Variants in FGF12 observed in about 807,000 individuals in gnomAD.
FGF12 encodes fibroblast growth factor 12, also known as fibroblast growth factor 12B.
A neutral mutation model predicts 23.6 loss-of-function variants in FGF12; 14 were observed. The observed-to-expected ratio is 0.59, with a 90% confidence interval of 0.39 to 0.93. The LOEUF (loss-of-function observed/expected upper bound fraction) is 0.93, where lower values mean the gene tolerates loss of function less well. FGF12 is among the 40% of genes least tolerant of loss of function. The pLI is 0.00. For synonymous variants in FGF12, 62 were observed against 77.3 expected (o/e 0.80, Z 1.04); for missense variants, 175 against 217.8 (o/e 0.80, Z 1.24).
In FGF12 at chr3:192,353,024, C is replaced by T. The variant is rs60966682; in HGVS notation, c.124+7404G>A. On this transcript the variant is annotated intron_variant, in intron 3 of 5. Coordinates refer to ENST00000445105, the MANE Select transcript of FGF12 (RefSeq NM_004113.6). Reference sequence around the variant, plus strand: ...ATCAGTTTTTCTGAGCATACCTTTACTTCTATATCAGAAGTAAATAAAAGA... The same window carrying T: ...ATCAGTTTTTCTGAGCATACCTTTATTTCTATATCAGAAGTAAATAAAAGA... Among the ~76,000 whole-genome samples, 974 of 152,308 alleles carry T rather than the reference C, an allele frequency of 6.4e-3. 8 individuals carry two copies. The highest frequency in any genetic ancestry group is 0.022 in the African/African-American group (930 of 41,578).
intron 4 of FGF12, among the ~76,000 whole-genome samples, chr3:192,273,696 G>A (rs540789580): frequency 1.1e-4 from 17 of 152,274 alleles, no homozygotes; most frequent in African/African-American, 2.4e-4. Context: ...GACACTGGGC[G>A]TGTCAAGGCT....
At chr3:192,570,766 T>A (rs190256022) in intron 2 of FGF12, among the ~76,000 whole-genome samples, 67 of 152,346 alleles carry the variant, frequency 4.4e-4, no homozygotes, top group Admixed American at 9.8e-4. Context: ...ATATTTTTAT[T>A]GATTTTGGCT....
chr3:192,224,024 T>C (rs1371052626), intron 4 of FGF12, among the ~76,000 whole-genome samples: 2 of 152,138 alleles, frequency 1.3e-5, no homozygotes, highest in East Asian at 3.9e-4. Context: ...CAAGGTCACC[T>C]TGGCTACTGC....
intron 2 of FGF12, among the ~76,000 whole-genome samples, chr3:192,498,737 T>C (rs1233445228): frequency 6.6e-6 from 1 of 152,246 alleles, no homozygotes; most frequent in South Asian, 2.1e-4. Context: ...AGTCTGGATG[T>C]TGGAGTCCAT....
chr3:192,576,819 G>A (rs919640660), intron 2 of FGF12, among the ~76,000 whole-genome samples: 20 of 152,138 alleles, frequency 1.3e-4, no homozygotes, highest in Non-Finnish European at 2.4e-4. Context: ...ATGCCCATCA[G>A]TGATAGACTG....
chr3:192,382,960 C>A (rs948699272), intron 2 of FGF12, among the ~76,000 whole-genome samples: 1 of 152,124 alleles, frequency 6.6e-6, no homozygotes, highest in Non-Finnish European at 1.5e-5. Context: ...GAGAAAGTAA[C>A]AACACGGCCA....
At chr3:192,347,133 C>T (rs1718002650) in intron 3 of FGF12, among the ~76,000 whole-genome samples, 1 of 152,110 alleles carries the variant, frequency 6.6e-6, no homozygotes, top group Admixed American at 6.6e-5. Flanking sequence ...AAGACAAGTA[C>T]TTTTTAACTC....
intron 4 of FGF12, among the ~76,000 whole-genome samples, chr3:192,284,881 T>C (rs1467377718): frequency 6.6e-6 from 1 of 152,000 alleles, no homozygotes; most frequent in African/African-American, 2.4e-5. Flanking sequence ...CCTGGTGTTA[T>C]GCAGCAAGCA....
intron 2 of FGF12, among the ~76,000 whole-genome samples, chr3:192,674,500 G>A (rs746961997): frequency 5.3e-5 from 8 of 152,126 alleles, no homozygotes; most frequent in Non-Finnish European, 1.2e-4. Context: ...ATTAAAGGAC[G>A]GTTTCGAACT....
At chr3:192,227,876 A>C (rs1378763145) in intron 4 of FGF12, among the ~76,000 whole-genome samples, 1 of 152,178 alleles carries the variant, frequency 6.6e-6, no homozygotes, top group Non-Finnish European at 1.5e-5. Context: ...AGTTGAAGCA[A>C]GGGGAATGTT....
chr3:192,516,184 AATT>A (rs761651062), intron 2 of FGF12, among the ~76,000 whole-genome samples: 9 of 152,196 alleles, frequency 5.9e-5, no homozygotes, highest in Non-Finnish European at 1.2e-4. Flanking sequence ...TAGTGTTTGC[AATT>A]ATTATTATTT....
intron 2 of FGF12, among the ~76,000 whole-genome samples, chr3:192,444,238 G>A (rs1722285644): frequency 6.6e-6 from 1 of 152,044 alleles, no homozygotes; most frequent in South Asian, 2.1e-4. Flanking sequence ...GTCTGACCTT[G>A]ACAGCTGACC....
Position 192,543,142 on chromosome 3 carries a change from C to A in FGF12, c.14-182604G>T, listed in dbSNP as rs542842116. On this transcript the variant is annotated intron_variant, in intron 2 of 5. Coordinates refer to ENST00000445105, the MANE Select transcript of FGF12 (RefSeq NM_004113.6). ...CACGTCTAGCGATGTTTTTCAGAAG[C>A]CAGTCCCTTAAGTCAGAAACCTTAG... Among the ~76,000 whole-genome samples the A allele has an allele frequency of 6.2e-3, 346 of 55,406 alleles. 1 individual carries two copies. The highest frequency in any genetic ancestry group is 0.025 in the African/African-American group (331 of 13,008). The allele number at this position is 55,406 out of a possible 152,430, so 36.3% of individuals were successfully genotyped here.
At chr3:192,160,505 G>A (rs1038305072) in intron 5 of FGF12, among the ~76,000 whole-genome samples, 6 of 152,030 alleles carry the variant, frequency 3.9e-5, no homozygotes, top group Admixed American at 1.3e-4. Context: ...CATCATTTAC[G>A]TCATCTTCTC....
intron 2 of FGF12, among the ~76,000 whole-genome samples, chr3:192,641,037 C>T (rs1029513125): frequency 4.6e-5 from 7 of 151,844 alleles, no homozygotes; most frequent in African/African-American, 1.7e-4. Flanking sequence ...TCTCAATGAT[C>T]CACCTGCCTC....
At chr3:192,265,040 C>T (rs6795808) in intron 4 of FGF12, among the ~76,000 whole-genome samples, 4,141 of 152,134 alleles carry the variant, frequency 0.027, 140 homozygotes, top group African/African-American at 0.083. Context: ...ACTTCAGGGA[C>T]TTTTTCATAT....
chr3:192,628,708 T>C (rs990667889), intron 2 of FGF12, among the ~76,000 whole-genome samples: 15 of 149,716 alleles, frequency 1.0e-4, no homozygotes, highest in Non-Finnish European at 1.8e-4. Flanking sequence ...TATATACACA[T>C]AAATATATAC....
chr3:192,196,027 C>G (rs1577224846), intron 4 of FGF12, among the ~76,000 whole-genome samples: 1 of 152,188 alleles, frequency 6.6e-6, no homozygotes, highest in African/African-American at 2.4e-5. Flanking sequence ...CCCCCAACCA[C>G]CCCAGCCTTT....
At chr3:192,311,741 T>C (rs1411526406) in intron 4 of FGF12, among the ~76,000 whole-genome samples, 1 of 152,222 alleles carries the variant, frequency 6.6e-6, no homozygotes, top group Non-Finnish European at 1.5e-5. Context: ...ACAAAATGCC[T>C]GCACCATTTT....
Sources: allele counts gnomAD v4.1 joint callset (sites outside exome capture counted in the v4.1 genomes callset), GRCh38; gene constraint gnomAD v4.1.1; transcripts MANE v1.5; gene names NCBI Gene and HGNC (gene_info 2026-07-23, HGNC 2026-07-21).